Variants in MGA observed in about 807,000 individuals in gnomAD.
The protein encoded by MGA is MAX gene-associated protein.
A neutral mutation model predicts 261.1 loss-of-function variants in MGA; 40 were observed. That is an observed-to-expected ratio of 0.15 (90% CI 0.12 to 0.20). MGA has a LOEUF of 0.20. MGA is among the 10% of genes least tolerant of loss of function. The probability of loss-of-function intolerance (pLI) is 1.00; values close to 1 mark genes in which losing one functional copy is unlikely to be tolerated. For missense variants in MGA, 3,397 were observed against 3,630.5 expected, an observed-to-expected ratio of 0.94 and a Z score of 1.65; for synonymous variants, 1,302 against 1,290.6, an observed-to-expected ratio of 1.01 and a Z score of -0.19.
At chr15:41,691,017 G>A (rs1162043201) in intron 2 of MGA, among the ~76,000 whole-genome samples, 4 of 121,254 alleles carry the variant, frequency 3.3e-5, no homozygotes, top group African/African-American at 1.1e-4. Context: ...TTTTTTGGTG[G>A]CTCCCTTGCA....
intron 1 of MGA, among the ~76,000 whole-genome samples, chr15:41,625,657 T>G (rs2056431523): frequency 6.6e-6 from 1 of 151,916 alleles, no homozygotes; most frequent in Non-Finnish European, 1.5e-5. Context: ...AAGGCTACAG[T>G]GAGCCATGAT....
At chr15:41,644,422 G>A (rs1394931902) in intron 1 of MGA, among the ~76,000 whole-genome samples, 3 of 151,144 alleles carry the variant, frequency 2.0e-5, no homozygotes, top group Non-Finnish European at 4.4e-5. Flanking sequence ...TAGGGAGGCC[G>A]AGGTTGGAGG....
intron 15 of MGA, among the ~76,000 whole-genome samples, chr15:41,744,450 C>T (rs2062315884): frequency 1.3e-5 from 2 of 152,168 alleles, no homozygotes; most frequent in African/African-American, 4.8e-5. Context: ...CCCACCTTGG[C>T]CTCCCAAAGT....
Position 41,710,833 on chromosome 15 carries a change from G to A in MGA, c.2568G>A (p.Gln856=), listed in dbSNP as rs1398809147. ...CTCCCACATCTCCTGTGGTGTACCA[G>A]CTTCCCACTAAGAGTACCAGTTATG... Residue 856 remains glutamine (Q), a synonymous_variant, in exon 8 of 24, where the codon CAG becomes CAA. Transcript: ENST00000219905. The A allele has an allele frequency of 1.2e-6, 2 of 1,613,936 alleles. No homozygotes were observed. The highest frequency in any genetic ancestry group is 8.5e-7 in the Non-Finnish European group (1 of 1,179,878).
intron 22 of MGA, 99 bp downstream of exon 22, chr15:41,762,461 G>T (rs200820399): frequency 0.014 from 1,870 of 138,376 alleles, 19 homozygotes; most frequent in African/African-American, 0.038. Context: ...GTTTTGTGTG[G>T]TTTTTTTTTT....
Position 41,740,083 on chromosome 15 carries a change from A to G in MGA, c.4465A>G (p.Arg1489Gly). Reference sequence around the variant, plus strand: ...ATCCAATGCCAAGGTGGCTGCATCCAGGAAACCACGTACCCTGTTGCCTTC... The same window carrying G: ...ATCCAATGCCAAGGTGGCTGCATCCGGGAAACCACGTACCCTGTTGCCTTC... Residue 1489 changes from arginine (R) to glycine (G), a missense_variant, in exon 14 of 24, where the codon AGG (arginine) becomes GGG (glycine). Arg to Gly is a moderately radical substitution (Grantham distance 125). Transcript: ENST00000219905. 1 of 1,614,068 alleles carries G rather than the reference A, an allele frequency of 6.2e-7. No individual in the cohort carries two copies. The highest frequency in any genetic ancestry group is 8.5e-7 in the Non-Finnish European group (1 of 1,179,910).
At chr15:41,661,901 C>T (rs1429331930) in intron 1 of MGA, among the ~76,000 whole-genome samples, 1 of 152,124 alleles carries the variant, frequency 6.6e-6, no homozygotes, top group Non-Finnish European at 1.5e-5. Flanking sequence ...GAGCGATCAT[C>T]GGGTTCCGGC....
Position 41,749,885 on chromosome 15 carries a change from C to T in MGA, c.6278C>T (p.Ala2093Val), listed in dbSNP as rs1333287335. Reference sequence around the variant, plus strand: ...GAAGTTAGGACCATTTCTGAAAAAGCCAGTAATAAGACAGTCCAAAATTTA... The same window carrying T: ...GAAGTTAGGACCATTTCTGAAAAAGTCAGTAATAAGACAGTCCAAAATTTA... The change falls in exon 17 of 24, where the codon GCC (alanine) becomes GTC (valine). Residue 2093 changes from alanine (A) to valine (V), a missense_variant. Physicochemically the swap from Ala to Val is moderately conservative, Grantham distance 64. Coordinates refer to ENST00000219905, the MANE Select transcript of MGA (RefSeq NM_001164273.2). The T allele has an allele frequency of 1.9e-6, 3 of 1,613,670 alleles. No individual in the cohort carries two copies. The African/African-American group carries it at 4.0e-5, about 22-fold the overall frequency.
intron 11 of MGA, among the ~76,000 whole-genome samples, chr15:41,732,819 C>T (rs1011498729): frequency 1.3e-4 from 20 of 152,206 alleles, no homozygotes; most frequent in African/African-American, 4.3e-4. Flanking sequence ...ACAGCTCTTG[C>T]CTCCTTGGCA....
chr15:41,626,213 A>T (rs1238491545), intron 1 of MGA, among the ~76,000 whole-genome samples: 1 of 152,120 alleles, frequency 6.6e-6, no homozygotes, highest in Non-Finnish European at 1.5e-5. Flanking sequence ...ATAAATATCA[A>T]ACGTAAGCTA....
Position 41,749,737 on chromosome 15 carries a change from A to G in MGA, c.6130A>G (p.Thr2044Ala). Residue 2044 changes from threonine (T) to alanine (A), a missense_variant, in exon 17 of 24, where the codon ACT (threonine) becomes GCT (alanine). Transcript: ENST00000219905. The stretch of plus-strand genomic sequence containing the variant: ...ATGCCTTCCAGAAGAAGGTTGTGCA[A>G]CTGTCAAACCATCTGAGCATTCCTG... The G allele has an allele frequency of 1.9e-6, 3 of 1,614,028 alleles. No homozygotes were observed. The highest frequency in any genetic ancestry group is 2.5e-6 in the Non-Finnish European group (3 of 1,179,892).
Position 41,767,654 on chromosome 15 carries a change from G to T in MGA, c.*374G>T. ...TGTTTGCAACTTTGGAGTTGCTGTA[G>T]ACTGAACTGTAGCTTGTAGCTGTTG... On this transcript the variant is annotated 3_prime_UTR_variant, in exon 24 of 24. Transcript: ENST00000219905. 1 of 228,850 alleles carries T rather than the reference G, an allele frequency of 4.4e-6. No individual in the cohort carries two copies. The highest frequency in any genetic ancestry group is 8.7e-6 in the Non-Finnish European group (1 of 115,120). 14.2% of individuals were successfully genotyped at this position (228,850 alleles called of 1,614,324 possible). A position where few individuals can be genotyped will look rare whatever the true frequency, so the allele number is the denominator to read the frequency against.
chr15:41,764,597 G>T (rs1221745016), intron 22 of MGA, among the ~76,000 whole-genome samples: 3 of 151,804 alleles, frequency 2.0e-5, no homozygotes, highest in Non-Finnish European at 4.4e-5. Context: ...AGGCTGGAGT[G>T]CAGTGTCTCG....
At chr15:41,753,890 GTTAAGT>G (rs1567091247) in intron 17 of MGA, among the ~76,000 whole-genome samples, 3 of 152,128 alleles carry the variant, frequency 2.0e-5, no homozygotes. Flanking sequence ...TGAGGATGCT[GTTAAGT>G]TTAATTATGT....
upstream of MGA, among the ~76,000 whole-genome samples, chr15:41,656,110 G>A (rs922802486): frequency 6.6e-6 from 1 of 152,138 alleles, no homozygotes; most frequent in African/African-American, 2.4e-5. Flanking sequence ...ATGCCATAAA[G>A]AAATACAGGG....
intron 13 of MGA, 44 bp from the exon 14 acceptor site, chr15:41,739,862 G>T (rs1324811997): frequency 6.3e-7 from 1 of 1,578,732 alleles, no homozygotes. Flanking sequence ...GAGTTAGCAA[G>T]AGAATTTTAT....
Position 41,743,183 on chromosome 15 carries a change from G to T in MGA, c.5212+11G>T. ...TGAGCCAGAGACCAGGTAAGGCCTA[G>T]ATGTTACTAGCTGCTTTATTTTACT... On this transcript the variant is annotated intron_variant, in intron 15 of 23. Coordinates refer to ENST00000219905, the MANE Select transcript of MGA (RefSeq NM_001164273.2). 1 of 1,593,002 alleles carries T rather than the reference G, an allele frequency of 6.3e-7. No homozygotes were observed. The highest frequency in any genetic ancestry group is 1.1e-5 in the South Asian group (1 of 88,786).
chr15:41,698,805 A>G lies in MGA; in HGVS notation c.2014-58A>G, dbSNP rs2059681227. On this transcript the variant is annotated intron_variant, in intron 3 of 23. Transcript: ENST00000219905. ...TTTAAGTTTTTTTTAATCCTGTTTT[A>G]CATTTAAGTTTTCAGAAGCAATATG... 5.3e-6 allele frequency: 7 copies of G among 1,309,284 alleles called. No individual in the cohort carries two copies. In the South Asian group the frequency reaches 8.6e-5, roughly 16 times the overall value. 81.1% of individuals were successfully genotyped at this position (1,309,284 alleles called of 1,614,324 possible). A position where few individuals can be genotyped will look rare whatever the true frequency, so the allele number is the denominator to read the frequency against.
In MGA at chr15:41,722,936, C is replaced by CT. The variant is rs142965342; in HGVS notation, c.3431-4244_3431-4243insT. The stretch of plus-strand genomic sequence containing the variant: ...ACATATTTATTGTAATTTTAAGTCC[C>CT]ACGAGTAACTGAATTCCTGTAATGT... On this transcript the variant is annotated intron_variant, in intron 9 of 23. Coordinates refer to ENST00000219905, the MANE Select transcript of MGA (RefSeq NM_001164273.2). 3.0e-3 allele frequency among the ~76,000 whole-genome samples: 453 copies of CT among 152,204 alleles called. 2 individuals are homozygous for CT. The highest frequency in any genetic ancestry group is 5.2e-3 in the Non-Finnish European group (351 of 68,014).
Sources: gnomAD v4.1 joint callset for allele counts (sites outside exome capture counted in the v4.1 genomes callset) on GRCh38, gnomAD v4.1.1 for gene constraint, MANE v1.5 for transcripts, NCBI Gene and HGNC (gene_info 2026-07-23, HGNC 2026-07-21) for gene names.